GREM2: variants seen among roughly 807,000 people sequenced by gnomAD.
GREM2 encodes gremlin 2, DAN family BMP antagonist.
A neutral mutation model predicts 14.2 loss-of-function variants in GREM2; 11 were observed. The ratio of observed to expected loss-of-function variants is 0.78; its 90% CI spans 0.49 to 1.28. The LOEUF is 1.28. GREM2 is among the 50% of genes most tolerant of loss of function. The pLI is 0.00. For synonymous variants in GREM2, 98 were observed against 97.6 expected, an observed-to-expected ratio of 1.00 and a Z score of -0.02; for missense variants, 210 against 218.5, an observed-to-expected ratio of 0.96 and a Z score of 0.24.
At chr1:240,523,689 T>C (rs1391496559) in intron 1 of GREM2, among the ~76,000 whole-genome samples, 1 of 152,192 alleles carries the variant, frequency 6.6e-6, no homozygotes, top group Non-Finnish European at 1.5e-5. Flanking sequence ...TGTGTGTTAT[T>C]TGCCACTACG....
intron 1 of GREM2, among the ~76,000 whole-genome samples, chr1:240,596,570 A>G (rs1002118046): frequency 3.3e-5 from 5 of 152,102 alleles, no homozygotes; most frequent in African/African-American, 1.2e-4. Flanking sequence ...AGTGACACAC[A>G]ACTGTAATCC....
chr1:240,533,117 A>T (rs1027216865), intron 1 of GREM2, among the ~76,000 whole-genome samples: 1 of 152,234 alleles, frequency 6.6e-6, no homozygotes, highest in Non-Finnish European at 1.5e-5. Flanking sequence ...TGTAGTCAGC[A>T]TTATGAGATG....
At chr1:240,549,737 C>CA (rs1491523686) in intron 1 of GREM2, 2 of 152,244 alleles carry the variant, frequency 1.3e-5, no homozygotes, top group African/African-American at 4.8e-5. Flanking sequence ...GGCTCTGTGT[C>CA]ACACAGAGTT....
rs1015879775 is a variant in GREM2, at chr1:240,492,120, A to C, written c.*849T>G. ...GAAATAATACATGAATAGGTCTATAATACTTTTTAACAGCTCTTTACAATA... is the reference window on the plus strand; with the variant it reads ...GAAATAATACATGAATAGGTCTATACTACTTTTTAACAGCTCTTTACAATA... On this transcript the variant is annotated 3_prime_UTR_variant, in exon 2 of 2. Transcript: ENST00000318160. The C allele has an allele frequency of 8.6e-6, 3 of 350,230 alleles. No individual in the cohort carries two copies. The highest frequency in any genetic ancestry group is 4.2e-5 in the African/African-American group (2 of 47,616). 21.7% of individuals were successfully genotyped at this position (350,230 alleles called of 1,614,324 possible). A position where few individuals can be genotyped will look rare whatever the true frequency, so the allele number is the denominator to read the frequency against.
chr1:240,600,335 G>A (rs913029061), intron 1 of GREM2, among the ~76,000 whole-genome samples: 3 of 152,144 alleles, frequency 2.0e-5, no homozygotes, highest in Non-Finnish European at 2.9e-5. Context: ...AAGTGGCACA[G>A]TGTAAATTTC....
At chr1:240,507,849 A>G (rs1677716605) in intron 1 of GREM2, among the ~76,000 whole-genome samples, 3 of 152,176 alleles carry the variant, frequency 2.0e-5, no homozygotes, top group African/African-American at 7.2e-5. Flanking sequence ...TGTGTACAGA[A>G]TCCTATTGAC....
At chr1:240,499,232 GC>G (rs1398295371) in intron 1 of GREM2, among the ~76,000 whole-genome samples, 17 of 152,196 alleles carry the variant, frequency 1.1e-4, no homozygotes, top group Admixed American at 1.1e-3. Context: ...GTGACCAATG[GC>G]AAAGGGTACA....
At chr1:240,529,744 G>A (rs554272564) in intron 1 of GREM2, among the ~76,000 whole-genome samples, 12 of 152,206 alleles carry the variant, frequency 7.9e-5, no homozygotes, top group African/African-American at 2.9e-4. Flanking sequence ...TAAATTTTCT[G>A]AGAGAAGATG....
At chr1:240,505,854 A>G (rs1307716218) in intron 1 of GREM2, among the ~76,000 whole-genome samples, 1 of 152,066 alleles carries the variant, frequency 6.6e-6, no homozygotes, top group Non-Finnish European at 1.5e-5. Context: ...GGAGAAAAAA[A>G]TGTAAAATTT....
At chr1:240,575,666 G>T (rs1229255190) in intron 1 of GREM2, among the ~76,000 whole-genome samples, 2 of 151,728 alleles carry the variant, frequency 1.3e-5, no homozygotes, top group Non-Finnish European at 2.9e-5. Flanking sequence ...GATTACAGGC[G>T]CGCACCACCA....
At chr1:240,552,312 G>A (rs1678867622) in intron 1 of GREM2, among the ~76,000 whole-genome samples, 2 of 152,312 alleles carry the variant, frequency 1.3e-5, no homozygotes, top group East Asian at 1.9e-4. Flanking sequence ...TGGGCACGGA[G>A]GCTTGTGCCT....
chr1:240,603,120 ATGCGG>A (rs1270967683), intron 1 of GREM2, among the ~76,000 whole-genome samples: 1 of 152,128 alleles, frequency 6.6e-6, no homozygotes, highest in Non-Finnish European at 1.5e-5. Flanking sequence ...AAGGCGGTGA[ATGCGG>A]TGCGGTGCGG....
intron 1 of GREM2, among the ~76,000 whole-genome samples, chr1:240,601,456 G>T (rs1246206485): frequency 6.6e-6 from 1 of 152,166 alleles, no homozygotes; most frequent in Non-Finnish European, 1.5e-5. Context: ...AAGGGAAAAA[G>T]CTTCTTAAGC....
intron 1 of GREM2, among the ~76,000 whole-genome samples, chr1:240,563,870 T>C (rs1016111955): frequency 6.6e-6 from 1 of 152,172 alleles, no homozygotes; most frequent in African/African-American, 2.4e-5. Context: ...TAGGGATGTA[T>C]TAAAGGCAAG....
At chr1:240,598,494 G>A (rs1350961833) in intron 1 of GREM2, among the ~76,000 whole-genome samples, 1 of 152,122 alleles carries the variant, frequency 6.6e-6, no homozygotes, top group African/African-American at 2.4e-5. Context: ...TTACAACTGA[G>A]GATTATTTTC....
chr1:240,603,566 C>T (rs920853150), intron 1 of GREM2, among the ~76,000 whole-genome samples: 1 of 152,122 alleles, frequency 6.6e-6, no homozygotes, highest in African/African-American at 2.4e-5. Flanking sequence ...GGCTACCCAT[C>T]CCATTTAAGA....
intron 1 of GREM2, among the ~76,000 whole-genome samples, chr1:240,523,678 G>A (rs1308365355): frequency 6.6e-6 from 1 of 151,842 alleles, no homozygotes; most frequent in Non-Finnish European, 1.5e-5. Context: ...TTTTTCATGT[G>A]TGTGTGTTAT....
At chr1:240,558,096 T>C (rs1678982679) in intron 1 of GREM2, among the ~76,000 whole-genome samples, 2 of 151,522 alleles carry the variant, frequency 1.3e-5, no homozygotes, top group African/African-American at 4.9e-5. Context: ...AAATGAGGAG[T>C]GTTTGGACAA....
At chr1:240,525,077 G>A (rs777474830) in intron 1 of GREM2, among the ~76,000 whole-genome samples, 19 of 152,132 alleles carry the variant, frequency 1.2e-4, no homozygotes, top group Admixed American at 8.5e-4. Flanking sequence ...AGCACCTAGT[G>A]GGTGCAGGCC....
Sources: allele counts gnomAD v4.1 joint callset (sites outside exome capture counted in the v4.1 genomes callset), GRCh38; gene constraint gnomAD v4.1.1; transcripts MANE v1.5; gene names NCBI Gene and HGNC (gene_info 2026-07-23, HGNC 2026-07-21).